The following MIA2 variants were observed in gnomAD, a reference collection of about 807,000 sequenced individuals.
The protein encoded by MIA2 is MIA SH3 domain ER export factor 2.
A neutral mutation model predicts 167.8 loss-of-function variants in MIA2; 127 were observed. The ratio of observed to expected loss-of-function variants is 0.76; its 90% confidence interval spans 0.66 to 0.88. MIA2 has a LOEUF of 0.88. Ranked by LOEUF, MIA2 falls within the 40% of genes least tolerant of loss-of-function variation. The pLI, the probability that MIA2 is intolerant of heterozygous loss-of-function variation, is 0.00. For missense variants in MIA2, 1,690 were observed against 1,624.7 expected, an observed-to-expected ratio of 1.04 and a Z score of -0.69; for synonymous variants, 552 against 541.9, an observed-to-expected ratio of 1.02 and a Z score of -0.26.
intron 10 of MIA2, among the ~76,000 whole-genome samples, chr14:39,292,099 T>G (rs1387992961): frequency 6.6e-6 from 1 of 152,224 alleles, no homozygotes; most frequent in Non-Finnish European, 1.5e-5. Context: ...AATGTTTTCT[T>G]CATTTGTTGC....
At chr14:39,314,824 GTGTGTGTGTGTGTA>G (rs770080030) in intron 20 of MIA2, 25 bp downstream of exon 20, 175 of 1,238,004 alleles carry the variant, frequency 1.4e-4, no homozygotes, top group Middle Eastern at 1.3e-3. Flanking sequence ...GTGTGTGTGT[GTGTGTGTGTGTGTA>G]TATATATATA....
At chr14:39,343,648 A>AT (rs528268158) in intron 25 of MIA2, among the ~76,000 whole-genome samples, 188 of 152,160 alleles carry the variant, frequency 1.2e-3, no homozygotes, top group Non-Finnish European at 2.5e-4. Context: ...GTCTTCTATT[A>AT]TAAGCGTAGA....
chr14:39,299,544 A>G (rs146821313), intron 13 of MIA2, among the ~76,000 whole-genome samples: 337 of 152,172 alleles, frequency 2.2e-3, no homozygotes, highest in African/African-American at 7.7e-3. Context: ...AAGGTTAGTT[A>G]TTTTAAGTAC....
chr14:39,380,484 A>G (rs763274321), intron 23 of MIA2, among the ~76,000 whole-genome samples: 2 of 151,996 alleles, frequency 1.3e-5, no homozygotes, highest in Non-Finnish European at 2.9e-5. Context: ...CACGAGGTCA[A>G]GAGATAGAGA....
At chr14:39,253,988 G>T (rs1483814226) in intron 6 of MIA2, among the ~76,000 whole-genome samples, 2 of 152,186 alleles carry the variant, frequency 1.3e-5, no homozygotes, top group Admixed American at 1.3e-4. Flanking sequence ...TCTTCAAGGA[G>T]CTCACTCTAG....
chr14:39,267,386 T>C (rs1224787717), intron 6 of MIA2: 2 of 1,603,946 alleles, frequency 1.2e-6, no homozygotes, highest in Admixed American at 1.7e-5. Flanking sequence ...CCGAAGGCTG[T>C]GTGTTCTCCG....
At chr14:39,331,272 T>A (rs1388046825) in intron 25 of MIA2, among the ~76,000 whole-genome samples, 1 of 152,166 alleles carries the variant, frequency 6.6e-6, no homozygotes, top group Non-Finnish European at 1.5e-5. Context: ...GAGACTAGGA[T>A]TACAACCCTG....
chr14:39,240,972 C>T (rs1566586183), intron 3 of MIA2, among the ~76,000 whole-genome samples: 1 of 152,096 alleles, frequency 6.6e-6, no homozygotes, highest in Non-Finnish European at 1.5e-5. Context: ...GCCTCAATTT[C>T]CTTATCTGTA....
At chr14:39,265,641 TTTTG>T (rs764215667) in intron 6 of MIA2, 4 of 410,608 alleles carry the variant, frequency 9.7e-6, no homozygotes, top group African/African-American at 2.1e-5. Flanking sequence ...GAGGTTTTTT[TTTTG>T]TTTTTGTTTT....
At chr14:39,326,258 C>T (rs548208326) in intron 24 of MIA2, among the ~76,000 whole-genome samples, 59 of 152,286 alleles carry the variant, frequency 3.9e-4, no homozygotes, top group African/African-American at 1.3e-3. Flanking sequence ...TAAAAGCCAT[C>T]TAGTGCCAGT....
At chr14:39,290,104 T>C (rs1220805864) in intron 9 of MIA2, among the ~76,000 whole-genome samples, 2 of 152,194 alleles carry the variant, frequency 1.3e-5, no homozygotes, top group Non-Finnish European at 2.9e-5. Flanking sequence ...GGTCATTGTT[T>C]AGCCAAGCAC....
In MIA2 at chr14:39,308,292, G is replaced by A. The variant is rs2063683530; in HGVS notation, c.2879-157G>A. ...TGTCAATCAACTAATAACAATAAAA[G>A]CATTTAGGTAAACAGAATCCCTTAT... On this transcript the variant is annotated intron_variant, in intron 17 of 28. Transcript: ENST00000640607. Among the ~76,000 whole-genome samples the A allele has an allele frequency of 3.9e-5, 6 of 151,974 alleles. No homozygotes were observed. The South Asian group carries it at 1.2e-3, about 32-fold the overall frequency.
At chr14:39,253,675 A>G (rs2054683145) in intron 6 of MIA2, 1 of 152,334 alleles carries the variant, frequency 6.6e-6, no homozygotes, top group Non-Finnish European at 1.5e-5. Context: ...AAAAAAACTG[A>G]AAATGAAAAG....
chr14:39,236,870 G>T, intron 1 of MIA2, 52 bp from the exon 2 acceptor site: 2 of 1,509,844 alleles, frequency 1.3e-6, no homozygotes, highest in Non-Finnish European at 1.8e-6. Context: ...GAAAGGAGGA[G>T]AAATATCATT....
intron 6 of MIA2, chr14:39,265,706 A>T (rs1421362695): frequency 6.5e-6 from 2 of 305,742 alleles, no homozygotes; most frequent in Non-Finnish European, 1.2e-5. Flanking sequence ...GAAAATGTTC[A>T]GACACATTTA....
intron 25 of MIA2, among the ~76,000 whole-genome samples, chr14:39,334,214 C>T (rs2069709310): frequency 6.6e-6 from 1 of 152,170 alleles, no homozygotes; most frequent in Non-Finnish European, 1.5e-5. Flanking sequence ...GTGGCTCATG[C>T]CTGTGATCCC....
chr14:39,287,055 T>C (rs2059921275), intron 9 of MIA2, among the ~76,000 whole-genome samples: 1 of 151,472 alleles, frequency 6.6e-6, no homozygotes, highest in African/African-American at 2.4e-5. Flanking sequence ...CTAATTGCTT[T>C]GATAGTACTT....
intron 25 of MIA2, among the ~76,000 whole-genome samples, chr14:39,336,869 C>A (rs551993196): frequency 6.6e-6 from 1 of 152,138 alleles, no homozygotes; most frequent in Non-Finnish European, 1.5e-5. Flanking sequence ...TCTCAGCCTC[C>A]CAAGTAACTG....
chr14:39,237,313 A>T (rs564601981), intron 2 of MIA2: 6 of 440,954 alleles, frequency 1.4e-5, no homozygotes, highest in South Asian at 1.2e-4. Context: ...TTCTTGGTAG[A>T]GACAGCATTT....
Sources: allele counts gnomAD v4.1 joint callset (sites outside exome capture counted in the v4.1 genomes callset), GRCh38; gene constraint gnomAD v4.1.1; transcripts MANE v1.5; gene names NCBI Gene and HGNC (gene_info 2026-07-23, HGNC 2026-07-21).